Variants in SATB1 observed in about 807,000 individuals in gnomAD.
SATB1 encodes SATB homeobox 1.
In SATB1, 11 loss-of-function variants were observed where a neutral mutation model predicts 86.9. That is an observed-to-expected ratio of 0.13 (90% confidence interval 0.08 to 0.21). The LOEUF is 0.21. SATB1 is among the 10% of genes least tolerant of loss of function. The pLI is 1.00. For missense variants in SATB1, 551 were observed against 937.6 expected (o/e 0.59, Z 5.39); for synonymous variants, 357 against 357.2 (o/e 1.00, Z 0.01).
At chr3:18,414,975 CA>C in intron 5 of SATB1, 135 bp downstream of exon 5, 1 of 883,532 alleles carries the variant, frequency 1.1e-6, no homozygotes, top group Non-Finnish European at 1.8e-6. Flanking sequence ...AAAAGGTCAC[CA>C]GTGGTCAAGT....
At chr3:18,416,214 C>A (rs890021850) in intron 3 of SATB1, 81 bp from the exon 4 acceptor site, 11 of 1,054,620 alleles carry the variant, frequency 1.0e-5, no homozygotes, top group Non-Finnish European at 1.5e-5. Flanking sequence ...CTTTTCTTTT[C>A]TACTACCCCT....
chr3:18,351,226 G>A, intron 10 of SATB1: 1 of 1,090,268 alleles, frequency 9.2e-7, no homozygotes, highest in Non-Finnish European at 1.3e-6. Context: ...GGCCTTTACA[G>A]GTTTGAAAAT....
chr3:18,351,492 A>C, intron 10 of SATB1: 1 of 1,039,090 alleles, frequency 9.6e-7, no homozygotes, highest in Non-Finnish European at 1.4e-6. Flanking sequence ...TACAAGGTGA[A>C]GGAAGGGCCA....
In SATB1 at chr3:18,378,257, A is replaced by G. The variant is rs1575112721; in HGVS notation, c.1488T>C (p.Ala496=). 3 of 1,610,276 alleles carry G rather than the reference A, an allele frequency of 1.9e-6. No homozygotes were observed. The highest frequency in any genetic ancestry group is 2.5e-6 in the Non-Finnish European group (3 of 1,178,184). ...KPENNTMNIN[A]SIYDEIQQEM... ...CCTGCTGAATCTCATCATAAATGGA[A>G]GCATTAATGTTCATGGTATTGTTCT... is the stretch of plus-strand genomic sequence containing the variant. Residue 496 remains alanine, a synonymous_variant, in exon 9 of 11, where the codon GCT becomes GCC. Coordinates refer to ENST00000338745, the MANE Select transcript of SATB1 (RefSeq NM_002971.6).
At chr3:18,365,159 T>C (rs1406917369) in intron 9 of SATB1, among the ~76,000 whole-genome samples, 1 of 152,230 alleles carries the variant, frequency 6.6e-6, no homozygotes, top group Non-Finnish European at 1.5e-5. Flanking sequence ...CACTAGCACA[T>C]ATATACCTCA....
upstream of SATB1, among the ~76,000 whole-genome samples, chr3:18,440,966 CGA>C (rs1191105612): frequency 1.3e-5 from 2 of 152,172 alleles, no homozygotes; most frequent in African/African-American, 2.4e-5. Context: ...CTGATTTACT[CGA>C]GATAGTCCTC....
intron 1 of SATB1, among the ~76,000 whole-genome samples, chr3:18,422,478 C>T (rs1290201388): frequency 6.6e-6 from 1 of 152,144 alleles, no homozygotes; most frequent in Admixed American, 6.5e-5. Flanking sequence ...ACACTGAGAA[C>T]TAAAGGTTTA....
chr3:18,384,345 G>C (rs1696215016), intron 8 of SATB1, among the ~76,000 whole-genome samples: 1 of 152,220 alleles, frequency 6.6e-6, no homozygotes, highest in African/African-American at 2.4e-5. Flanking sequence ...GAAAAAGCTT[G>C]ATGAGTAAGG....
At chr3:18,399,164 G>T (rs776387645) in intron 5 of SATB1, among the ~76,000 whole-genome samples, 2 of 152,138 alleles carry the variant, frequency 1.3e-5, no homozygotes, top group Non-Finnish European at 2.9e-5. Context: ...GAAGTGTATG[G>T]AATATCCAAA....
intron 8 of SATB1, among the ~76,000 whole-genome samples, chr3:18,380,984 T>C (rs1696026539): frequency 1.3e-5 from 2 of 152,168 alleles, no homozygotes; most frequent in South Asian, 4.1e-4. Flanking sequence ...TCTCCGCAAA[T>C]AGCACAGGAG....
intron 7 of SATB1, among the ~76,000 whole-genome samples, chr3:18,391,138 A>G: frequency 6.6e-6 from 1 of 152,158 alleles, no homozygotes; most frequent in East Asian, 1.9e-4. Flanking sequence ...CCCATGTGCG[A>G]AAGTCTTGGG....
At chr3:18,445,579 CTTG>C (rs1699374517) in exon 1 of SATB1, 1 of 972,950 alleles carries the variant, frequency 1.0e-6, no homozygotes, top group Non-Finnish European at 1.2e-6. Context: ...CCTCTTGTTG[CTTG>C]TTGTTTGGCT....
chr3:18,426,124 G>A (rs1454915002), upstream of SATB1, among the ~76,000 whole-genome samples: 1 of 152,158 alleles, frequency 6.6e-6, no homozygotes, highest in African/African-American at 2.4e-5. This position sits in a 1 kb window ranked among gnomAD's most constrained non-coding sequence, Gnocchi z 4.2. Flanking sequence ...AAGCGCGGAG[G>A]GTGCAGAAAC....
At chr3:18,391,822 C>G (rs1193117846) in intron 7 of SATB1, among the ~76,000 whole-genome samples, 2 of 152,056 alleles carry the variant, frequency 1.3e-5, no homozygotes, top group Non-Finnish European at 2.9e-5. Context: ...ACTTTGAAAT[C>G]AACACACTAC....
chr3:18,365,688 TTTATA>T (rs1226969192), intron 9 of SATB1, among the ~76,000 whole-genome samples: 10 of 152,200 alleles, frequency 6.6e-5, no homozygotes, highest in Non-Finnish European at 1.2e-4. Context: ...GTCTGATAAC[TTTATA>T]TTATATGTGG....
intron 2 of SATB1, among the ~76,000 whole-genome samples, chr3:18,418,272 A>C (rs1698219619): frequency 6.6e-6 from 1 of 152,118 alleles, no homozygotes; most frequent in South Asian, 2.1e-4. Context: ...CGTAGCTAAA[A>C]ATCAGGATTT....
chr3:18,401,561 G>A (rs1434979300), intron 5 of SATB1, among the ~76,000 whole-genome samples: 1 of 152,062 alleles, frequency 6.6e-6, no homozygotes, highest in African/African-American at 2.4e-5. Context: ...TGGCTGGTCT[G>A]TATAAAACAT....
intron 6 of SATB1, among the ~76,000 whole-genome samples, chr3:18,396,717 T>C (rs1696980946): frequency 6.6e-6 from 1 of 152,174 alleles, no homozygotes. Flanking sequence ...GGGTTAGAGC[T>C]ATAAAAATCA....
intron 5 of SATB1, among the ~76,000 whole-genome samples, chr3:18,402,688 C>T (rs1318774649): frequency 1.3e-5 from 2 of 151,934 alleles, no homozygotes; most frequent in Non-Finnish European, 2.9e-5. Context: ...GCGTTTTTTG[C>T]ACTACTTTAA....
Sources: gnomAD v4.1 joint callset for allele counts (sites outside exome capture counted in the v4.1 genomes callset) on GRCh38, gnomAD v4.1.1 for gene constraint, Gnocchi (gnomAD v3.1) non-coding constraint, MANE v1.5 for transcripts, NCBI Gene and HGNC (gene_info 2026-07-23, HGNC 2026-07-21) for gene names.